CDKL2: variants seen among roughly 807,000 people sequenced by gnomAD.
CDKL2 encodes cyclin dependent kinase like 2.
CDKL2 carries 64 observed loss-of-function variants against 63.9 expected under a neutral mutation model. That is an observed-to-expected ratio of 1.00 (90% CI 0.82 to 1.23). CDKL2 has a LOEUF of 1.23. Ranked by LOEUF, CDKL2 falls within the 50% of genes most tolerant of loss-of-function variation. CDKL2 has a pLI of 0.00. For missense variants in CDKL2, 656 were observed against 668.0 expected (o/e 0.98, Z 0.20); for synonymous variants, 211 against 229.2 (o/e 0.92, Z 0.72).
intron 11 of CDKL2, 55 bp from the exon 12 acceptor site, chr4:75,591,980 T>C: frequency 7.0e-7 from 1 of 1,438,414 alleles, no homozygotes; most frequent in Non-Finnish European, 9.4e-7. Context: ...TGTTAGTTTT[T>C]AGTTTTTCAC....
At position 75,605,617 on chromosome 4, in the gene CDKL2, G is replaced by A. The variant is rs1244668244; in HGVS notation, c.560C>T (p.Ala187Val). ...CATTTCAGTTACCAGACAACCAATG[G>A]CCCACACATCAACAGCCCTGAAAGA... The part of the protein sequence containing the change: ...VKYGKAVDVW[A>V]IGCLVTEMFM... The change falls in exon 5 of 14, where the codon GCC becomes GTC. Residue 187 changes from alanine to valine, a missense_variant. Physicochemically the swap from Ala to Val is moderately conservative, Grantham distance 64 (BLOSUM62 0). Coordinates refer to ENST00000307465, the MANE Select transcript of CDKL2 (RefSeq NM_001330724.2). The A allele has an allele frequency of 4.3e-6, 7 of 1,612,486 alleles. No individual in the cohort carries two copies. The highest frequency in any genetic ancestry group is 5.9e-6 in the Non-Finnish European group (7 of 1,178,722).
intron 3 of CDKL2, among the ~76,000 whole-genome samples, chr4:75,609,420 C>T (rs965309877): frequency 6.6e-6 from 1 of 151,448 alleles, no homozygotes; most frequent in African/African-American, 2.4e-5. Flanking sequence ...GCCTGGCCAA[C>T]ATGGTGAAAC....
chr4:75,596,278 G>T lies in CDKL2; in HGVS notation c.1385C>A (p.Ser462Ter). 3 of 1,611,606 alleles carry T rather than the reference G, an allele frequency of 1.9e-6. No homozygotes were observed. Among genetic ancestry groups the T allele is most frequent in the Non-Finnish European group, 2.5e-6 (3 of 1,177,748 alleles). The change falls in exon 10 of 14, where the codon TCA (serine) becomes TAA (stop). Residue 462 changes from serine (S) to a stop codon, truncating the protein, a stop_gained. Coordinates refer to ENST00000307465, the MANE Select transcript of CDKL2 (RefSeq NM_001330724.2). LOFTEE classifies it high-confidence loss of function. ...GGTCACATTAATGTTATAAATGCCT[G>T]ATGGGGAATGTCTGTTCGGTTTAAC... ...PFVKPNRHSPSGIYNINVTTL... is the reference protein window; with the variant it reads ...PFVKPNRHSP
intron 1 of CDKL2, 104 bp downstream of exon 1, chr4:75,629,938 C>CAAAAAAAAAAAAAAAAAAAAAAAAAA (rs747587721): frequency 1.3e-5 from 1 of 74,174 alleles, no homozygotes; most frequent in Non-Finnish European, 2.5e-5. Context: ...AACTCCGTCT[C>CAAAAAAAAAAAAAAAAAAAAAAAAAA]AAAAAAAAAA....
chr4:75,597,769 G>A (rs1729007186), intron 8 of CDKL2, among the ~76,000 whole-genome samples: 1 of 152,192 alleles, frequency 6.6e-6, no homozygotes, highest in African/African-American at 2.4e-5. Context: ...AGAAAGATAA[G>A]TGGGGTGAGG....
Position 75,616,205 on chromosome 4 carries a change from G to A in CDKL2, c.169-1756C>T, listed in dbSNP as rs550139887. Among the ~76,000 whole-genome samples the A allele has an allele frequency of 5.6e-4, 85 of 151,858 alleles. No homozygotes were observed. In the Middle Eastern group the frequency reaches 0.018, roughly 31 times the overall value. On this transcript the variant is annotated intron_variant, in intron 2 of 13. Coordinates refer to ENST00000307465, the MANE Select transcript of CDKL2 (RefSeq NM_001330724.2). ...TGTAATCCCAGCGCTTTGGGAGGCT[G>A]AAGTGGAGGGATAGCTTGAGGCCAG...
In CDKL2 at chr4:75,596,930, C is replaced by A; in HGVS notation, c.1322+5G>T. The A allele has an allele frequency of 6.2e-7, 1 of 1,600,466 alleles. No individual in the cohort carries two copies. ...CTTTTTTGATCTTATTTTACTAATT[C>A]ATACCTGTAACCCTGAATTGGTATA... On this transcript the variant is annotated splice_donor_5th_base_variant and intron_variant, in intron 9 of 13. Coordinates refer to ENST00000307465, the MANE Select transcript of CDKL2 (RefSeq NM_001330724.2).
chr4:75,615,213 A>G (rs1430036058), intron 2 of CDKL2, among the ~76,000 whole-genome samples: 6 of 152,168 alleles, frequency 3.9e-5, no homozygotes, highest in African/African-American at 1.4e-4. Flanking sequence ...AAGGAACACC[A>G]TTGTGAATTA....
chr4:75,610,849 A>G (rs546352597), intron 3 of CDKL2, among the ~76,000 whole-genome samples: 17 of 152,250 alleles, frequency 1.1e-4, no homozygotes, highest in Middle Eastern at 3.4e-3. Flanking sequence ...ATGTATGTAT[A>G]TATCTGTGTG....
rs1468479924 is a variant in CDKL2, at chr4:75,592,213, C to G, written c.1473G>C (p.Arg491Ser). Residue 491 changes from arginine to serine, a missense_variant, in exon 11 of 14, where the codon AGG becomes AGC. Arg to Ser is a moderately radical substitution (Grantham distance 110). Transcript: ENST00000307465. ...WASKKRREYS[R>S]TDVRLPELNY... Reference sequence around the variant, plus strand: ...TTAGTTCAGGCAAACGGACATCTGTCCTGGAGTATTCTCTTCTTTTCTTAC... The same window carrying G: ...TTAGTTCAGGCAAACGGACATCTGTGCTGGAGTATTCTCTTCTTTTCTTAC... 1 of 1,535,092 alleles carries G rather than the reference C, an allele frequency of 6.5e-7. No homozygotes were observed. The highest frequency in any genetic ancestry group is 2.4e-5 in the East Asian group (1 of 40,866).
intron 2 of CDKL2, among the ~76,000 whole-genome samples, chr4:75,619,881 A>G (rs1308829514): frequency 6.6e-6 from 1 of 152,166 alleles, no homozygotes; most frequent in African/African-American, 2.4e-5. Flanking sequence ...GCCTCAAATT[A>G]TTTTTAAAAA....
intron 10 of CDKL2, among the ~76,000 whole-genome samples, chr4:75,594,996 A>C (rs1296480246): frequency 3.9e-5 from 6 of 152,106 alleles, no homozygotes; most frequent in Non-Finnish European, 7.4e-5. Context: ...CTAACTTCAA[A>C]AGAGAAACAT....
chr4:75,621,523 T>C (rs1730157046), intron 2 of CDKL2, among the ~76,000 whole-genome samples: 1 of 150,932 alleles, frequency 6.6e-6, no homozygotes, highest in African/African-American at 2.4e-5. Flanking sequence ...GAAAACGGCC[T>C]TTTTTTCTTT....
intron 12 of CDKL2, among the ~76,000 whole-genome samples, chr4:75,589,463 C>T (rs1212942156): frequency 1.3e-5 from 2 of 151,180 alleles, no homozygotes; most frequent in Non-Finnish European, 3.0e-5. Context: ...TGCCACTACG[C>T]CCGGCTAATT....
chr4:75,578,009 A>AAC lies in CDKL2; in HGVS notation c.*1192_*1193insGT, dbSNP rs1361533005. On this transcript the variant is annotated 3_prime_UTR_variant, in exon 14 of 14. Coordinates refer to ENST00000307465, the MANE Select transcript of CDKL2 (RefSeq NM_001330724.2). ...ATTAGTTAAGGCAAAAAAAAAAAAA[A>AAC]AACTCACAAATTCTGGTTCCCTAAA... 20 of 152,300 alleles carry AAC rather than the reference A, an allele frequency of 1.3e-4. No homozygotes were observed. In the East Asian group the frequency reaches 3.3e-3, roughly 25 times the overall value. The allele number at this position is 152,300 out of a possible 1,614,324, so 9.4% of individuals were successfully genotyped here. A position where few individuals can be genotyped will look rare whatever the true frequency, so the allele number is the denominator to read the frequency against.
intron 12 of CDKL2, among the ~76,000 whole-genome samples, chr4:75,584,151 A>T (rs1728372976): frequency 6.6e-6 from 1 of 152,220 alleles, no homozygotes; most frequent in Non-Finnish European, 1.5e-5. Context: ...ATTAGGATAG[A>T]TTATCTTCGT....
At chr4:75,610,352 T>A (rs1320237610) in intron 3 of CDKL2, among the ~76,000 whole-genome samples, 1 of 152,146 alleles carries the variant, frequency 6.6e-6, no homozygotes, top group African/African-American at 2.4e-5. Flanking sequence ...AAGTGCATGA[T>A]CACCATGTTT....
At chr4:75,584,718 G>C (rs1728397944) in intron 12 of CDKL2, among the ~76,000 whole-genome samples, 1 of 152,074 alleles carries the variant, frequency 6.6e-6, no homozygotes, top group Non-Finnish European at 1.5e-5. Flanking sequence ...TAAAAGGGTA[G>C]GTAGCATACA....
intron 2 of CDKL2, among the ~76,000 whole-genome samples, chr4:75,622,802 A>G (rs983699187): frequency 1.1e-4 from 17 of 151,292 alleles, no homozygotes; most frequent in Admixed American, 4.0e-4. Context: ...TGGATGCAAT[A>G]TTGTAAACAC....
Sources: gnomAD v4.1 joint callset for allele counts (sites outside exome capture counted in the v4.1 genomes callset) on GRCh38, gnomAD v4.1.1 for gene constraint, MANE v1.5 for transcripts, NCBI Gene and HGNC (gene_info 2026-07-23, HGNC 2026-07-21) for gene names.